TTC1: variants seen among roughly 807,000 people sequenced by gnomAD.
TTC1 encodes the protein tetratricopeptide repeat domain 1.
In TTC1, 31 loss-of-function variants were observed where a neutral mutation model predicts 37.6. That is an observed-to-expected ratio of 0.82 (90% CI 0.62 to 1.11). The LOEUF (loss-of-function observed/expected upper bound fraction) is 1.11, where lower values mean the gene tolerates loss of function less well. Among genes scored for constraint, TTC1 ranks in the 50% most tolerant of loss-of-function variants. The pLI is 0.00. For missense variants in TTC1, 351 were observed against 339.0 expected, an observed-to-expected ratio of 1.04 and a Z score of -0.28; for synonymous variants, 127 against 122.4, an observed-to-expected ratio of 1.04 and a Z score of -0.25.
At chr5:160,027,562 G>A (rs950631172) in intron 2 of TTC1, among the ~76,000 whole-genome samples, 3 of 152,080 alleles carry the variant, frequency 2.0e-5, no homozygotes, top group African/African-American at 4.8e-5. Context: ...TCTGCTTACC[G>A]TTTCTGATGT....
At chr5:160,051,683 A>G (rs1757408741) in intron 7 of TTC1, among the ~76,000 whole-genome samples, 1 of 152,170 alleles carries the variant, frequency 6.6e-6, no homozygotes, top group African/African-American at 2.4e-5. Flanking sequence ...GGGTAGGGGT[A>G]GGGCAAATGG....
At chr5:160,013,811 G>A (rs954264994) in intron 2 of TTC1, among the ~76,000 whole-genome samples, 8 of 151,528 alleles carry the variant, frequency 5.3e-5, no homozygotes, top group African/African-American at 1.5e-4. Flanking sequence ...TTGATCTGAT[G>A]TTGACAAGGA....
chr5:160,035,001 A>G (rs1181154762), intron 2 of TTC1, 139 bp from the exon 3 acceptor site: 1 of 589,396 alleles, frequency 1.7e-6, no homozygotes. Context: ...ATCACTGTAC[A>G]AGGTTTTGGT....
intron 4 of TTC1, among the ~76,000 whole-genome samples, chr5:160,039,774 CTT>C (rs1450234434): frequency 2.6e-5 from 4 of 152,070 alleles, no homozygotes; most frequent in Non-Finnish European, 5.9e-5. Flanking sequence ...AAAATATTGA[CTT>C]ATATAAAGTT....
At chr5:160,023,644 C>T (rs1756751949) in intron 2 of TTC1, 2 of 1,049,578 alleles carry the variant, frequency 1.9e-6, no homozygotes, top group African/African-American at 1.6e-5. Flanking sequence ...ACACAGGTGA[C>T]TAAGCTTCCA....
intron 2 of TTC1, among the ~76,000 whole-genome samples, chr5:160,032,777 G>A (rs758845394): frequency 4.3e-5 from 6 of 140,306 alleles, no homozygotes; most frequent in South Asian, 2.3e-4. Flanking sequence ...GCAGTGGCGC[G>A]GCCTTGACTC....
intron 2 of TTC1, among the ~76,000 whole-genome samples, chr5:160,014,349 A>C (rs917105618): frequency 6.7e-6 from 1 of 150,168 alleles, no homozygotes; most frequent in Non-Finnish European, 1.5e-5. Flanking sequence ...CAAGAGCAAA[A>C]CTCCGTCTCA....
At chr5:160,039,223 T>G (rs1757046786) in intron 4 of TTC1, 2 of 151,656 alleles carry the variant, frequency 1.3e-5, no homozygotes, top group Non-Finnish European at 2.9e-5. Flanking sequence ...TAGGGCAGAG[T>G]TTCAGCTCTA....
intron 5 of TTC1, among the ~76,000 whole-genome samples, chr5:160,048,951 A>C (rs1757329565): frequency 6.4e-5 from 1 of 15,720 alleles, no homozygotes; most frequent in South Asian, 2.4e-3. Flanking sequence ...ACTCCGTCTA[A>C]AAAAAAAAAA....
Position 160,009,166 on chromosome 5 carries a change from A to G in TTC1, c.-57A>G, listed in dbSNP as rs988845714. 6.6e-6 allele frequency: 1 copy of G among 152,244 alleles called. No individual in the cohort carries two copies. Among genetic ancestry groups the G allele is most frequent in the Admixed American group, 6.5e-5 (1 of 15,276 alleles). 9.4% of individuals were successfully genotyped at this position (152,244 alleles called of 1,614,324 possible). ...AAGTAGGAGCTCTCAGAGGCTAAGA[A>G]GGTGGAGACCGGAGAAGCTGTGAGG... On this transcript the variant is annotated 5_prime_UTR_variant, in exon 1 of 8. Coordinates refer to ENST00000231238, the MANE Select transcript of TTC1 (RefSeq NM_003314.3).
intron 7 of TTC1, chr5:160,061,790 C>G (rs1295832243): frequency 1.3e-5 from 2 of 152,148 alleles, no homozygotes; most frequent in African/African-American, 4.8e-5. Context: ...AAAACAGATG[C>G]CAAGATAGGA....
intron 7 of TTC1, among the ~76,000 whole-genome samples, chr5:160,058,503 T>C (rs992879463): frequency 4.7e-5 from 7 of 150,366 alleles, no homozygotes; most frequent in African/African-American, 1.2e-4. Context: ...CTCCGCCTCC[T>C]GGGTTCACGC....
chr5:160,052,995 A>G (rs551867137), intron 7 of TTC1, among the ~76,000 whole-genome samples: 35 of 152,328 alleles, frequency 2.3e-4, no homozygotes, highest in African/African-American at 7.5e-4. Context: ...GAGTATAAAA[A>G]TCATGAATAA....
At chr5:160,055,427 G>A (rs1757517712) in intron 7 of TTC1, among the ~76,000 whole-genome samples, 1 of 152,208 alleles carries the variant, frequency 6.6e-6, no homozygotes, top group South Asian at 2.1e-4. Flanking sequence ...CACTAGAGAT[G>A]GGTGTTTACA....
Position 160,010,836 on chromosome 5 carries a change from A to G in TTC1, c.308A>G (p.Asn103Ser). 1 of 1,612,536 alleles carries G rather than the reference A, an allele frequency of 6.2e-7. No homozygotes were observed. Among genetic ancestry groups the G allele is most frequent in the Non-Finnish European group, 8.5e-7 (1 of 1,178,926 alleles). The change falls in exon 2 of 8, where the codon AAC (asparagine) becomes AGC (serine). Residue 103 changes from asparagine (N) to serine (S), a missense_variant. By Grantham distance (46) the Asn-to-Ser change is conservative (BLOSUM62 1). Transcript: ENST00000231238. ...DEEYLIELEKNMSDEEKQKRR... is the reference protein window; with the variant it reads ...DEEYLIELEKSMSDEEKQKRR... ...GAATACCTAATAGAACTGGAAAAAA[A>G]CATGTCGGATGAAGAGAAACAGGTA...
chr5:160,057,560 C>T lies in TTC1; in HGVS notation c.745+6377C>T, dbSNP rs1757576505. ...ACTGATCAGGTTGGTAGTTGCTAAA[C>T]ATTGGGGTGTCTGTGGCAGTATCTT... On this transcript the variant is annotated intron_variant, in intron 7 of 7. Transcript: ENST00000231238. This position sits in a 1 kb window ranked among gnomAD's most constrained non-coding sequence, Gnocchi z 4.4. Among the ~76,000 whole-genome samples the T allele has an allele frequency of 6.6e-6, 1 of 152,176 alleles. No homozygotes were observed.
intron 4 of TTC1, among the ~76,000 whole-genome samples, chr5:160,041,438 G>A (rs1430089297): frequency 6.6e-6 from 1 of 151,790 alleles, no homozygotes; most frequent in Non-Finnish European, 1.5e-5. Flanking sequence ...AGCCTCTTAG[G>A]TAGCTGGGAT....
rs565672078 is a variant in TTC1 at position 160,026,978 on chromosome 5, T to C, written c.331-8162T>C. 3.9e-5 allele frequency among the ~76,000 whole-genome samples: 6 copies of C among 152,262 alleles called. No homozygotes were observed. The South Asian group carries it at 1.2e-3, about 32-fold the overall frequency. ...TTCTTAGTGGTTGCTGTAGGAATTG[T>C]AATGCACATCTTTTTATAGTCTACT... On this transcript the variant is annotated intron_variant, in intron 2 of 7. Transcript: ENST00000231238.
chr5:160,028,667 G>C (rs1208910206), intron 2 of TTC1, among the ~76,000 whole-genome samples: 1 of 151,808 alleles, frequency 6.6e-6, no homozygotes, highest in Non-Finnish European at 1.5e-5. Context: ...CTAGAAACAG[G>C]GTTTCGCCAT....
Sources: gnomAD v4.1 joint callset for allele counts (sites outside exome capture counted in the v4.1 genomes callset) on GRCh38, gnomAD v4.1.1 for gene constraint, Gnocchi (gnomAD v3.1) non-coding constraint, MANE v1.5 for transcripts, NCBI Gene and HGNC (gene_info 2026-07-23, HGNC 2026-07-21) for gene names.